FPR3: variants seen among roughly 807,000 people sequenced by gnomAD.
FPR3 encodes formyl peptide receptor 3, also known as N-formyl peptide receptor 3.
For missense variants in FPR3, 346 were observed against 443.2 expected, an observed-to-expected ratio of 0.78 and a Z score of 1.97; for synonymous variants, 135 against 163.6, an observed-to-expected ratio of 0.83 and a Z score of 1.34.
chr19:51,807,161 G>A (rs2084064994), intron 1 of FPR3, among the ~76,000 whole-genome samples: 1 of 152,136 alleles, frequency 6.6e-6, no homozygotes, highest in Non-Finnish European at 1.5e-5. Context: ...GTGGACAATG[G>A]CCCTGAGCTT....
intron 1 of FPR3, among the ~76,000 whole-genome samples, chr19:51,817,201 T>C (rs1432584378): frequency 1.3e-5 from 2 of 152,144 alleles, no homozygotes; most frequent in African/African-American, 4.8e-5. Flanking sequence ...TCCAGCTCCA[T>C]TGTTCCCTTG....
rs1432318164 is a variant in FPR3, at chr19:51,825,081, T to C, written c.*271T>C. ...TCATTCCCCAAGTCTGCTCCTCCAG[T>C]TGAGACACAAGTCACAAATCCAGGC... On this transcript the variant is annotated 3_prime_UTR_variant, in exon 2 of 2. Coordinates refer to ENST00000339223, the MANE Select transcript of FPR3 (RefSeq NM_002030.5). 8.8e-6 allele frequency: 3 copies of C among 342,806 alleles called. No homozygotes were observed. Among genetic ancestry groups the C allele is most frequent in the Non-Finnish European group, 1.7e-5 (3 of 179,490 alleles). The allele number at this position is 342,806 out of a possible 1,614,324, so 21.2% of individuals were successfully genotyped here.
At chr19:51,820,931 T>A (rs1350037660) in intron 1 of FPR3, among the ~76,000 whole-genome samples, 1 of 152,168 alleles carries the variant, frequency 6.6e-6, no homozygotes, top group African/African-American at 2.4e-5. Context: ...AGAGCAGTTG[T>A]TAGGGTTAAA....
At chr19:51,806,455 C>T (rs906568423) in intron 1 of FPR3, among the ~76,000 whole-genome samples, 6 of 152,176 alleles carry the variant, frequency 3.9e-5, no homozygotes, top group Non-Finnish European at 7.3e-5. Flanking sequence ...TCTTACCATC[C>T]GTACCAGGAG....
intron 1 of FPR3, among the ~76,000 whole-genome samples, chr19:51,810,011 C>T (rs1411772845): frequency 1.3e-5 from 2 of 152,186 alleles, no homozygotes; most frequent in Non-Finnish European, 2.9e-5. Context: ...TACGCAAGGA[C>T]AAAGTCCTGG....
Position 51,815,252 on chromosome 19 carries a change from T to C in FPR3, c.-10-8487T>C, listed in dbSNP as rs2084126809. ...ACTTTCAGGAAGGGGAAGTGGGGAC[T>C]GGAGATTGAGCTCTATAAAAAAATG... On this transcript the variant is annotated intron_variant, in intron 1 of 1. Transcript: ENST00000339223. 3.3e-5 allele frequency among the ~76,000 whole-genome samples: 5 copies of C among 152,206 alleles called. No individual in the cohort carries two copies. The South Asian group carries it at 1.0e-3, about 32-fold the overall frequency.
At chr19:51,813,549 G>A (rs1327782258) in intron 1 of FPR3, among the ~76,000 whole-genome samples, 1 of 151,248 alleles carries the variant, frequency 6.6e-6, no homozygotes, top group Non-Finnish European at 1.5e-5. Flanking sequence ...CCTTTTTTTT[G>A]AGACAGAGTC....
intron 1 of FPR3, among the ~76,000 whole-genome samples, chr19:51,795,547 G>A (rs1157696910): frequency 2.3e-5 from 2 of 86,632 alleles, no homozygotes; most frequent in Non-Finnish European, 4.2e-5. Flanking sequence ...GGAGTCTTGC[G>A]CTGTCACCCA....
chr19:51,824,319 T>C lies in FPR3; in HGVS notation c.571T>C (p.Leu191=). 3 of 1,614,118 alleles carry C rather than the reference T, an allele frequency of 1.9e-6. No individual in the cohort carries two copies. The highest frequency in any genetic ancestry group is 2.5e-6 in the Non-Finnish European group (3 of 1,179,994). ...CTGGGGTGACACTGCTGTAGAGAGG[T>C]TGAACGTGTTCATTACCATGGCCAA... The part of the protein sequence containing the change: ...AFWGDTAVER[L]NVFITMAKVF... The change falls in exon 2 of 2, where the codon TTG becomes CTG. Residue 191 remains leucine (L), a synonymous_variant. Transcript: ENST00000339223. This position sits in a 1 kb window ranked among gnomAD's most constrained non-coding sequence, Gnocchi z 4.7.
chr19:51,795,972 AGATGTAGCATTGAAG>A (rs1460688316), intron 1 of FPR3, among the ~76,000 whole-genome samples: 1 of 152,252 alleles, frequency 6.6e-6, no homozygotes, highest in Non-Finnish European at 1.5e-5. Context: ...AGCATTGTAG[AGATGTAGCATTGAAG>A]GATCTTGATA....
At chr19:51,813,655 C>T (rs891825477) in intron 1 of FPR3, among the ~76,000 whole-genome samples, 11 of 151,982 alleles carry the variant, frequency 7.2e-5, no homozygotes, top group Non-Finnish European at 1.2e-4. Flanking sequence ...CTCAGCCTCC[C>T]GAATATCTGG....
At chr19:51,799,854 G>A (rs953714814) in intron 1 of FPR3, among the ~76,000 whole-genome samples, 4 of 152,222 alleles carry the variant, frequency 2.6e-5, no homozygotes, top group Admixed American at 1.3e-4. Flanking sequence ...CTAGGGCCTC[G>A]GTAGTGGTCC....
chr19:51,796,427 GT>G (rs2083999313), intron 1 of FPR3, among the ~76,000 whole-genome samples: 2 of 152,204 alleles, frequency 1.3e-5, no homozygotes, highest in Admixed American at 1.3e-4. Flanking sequence ...CCATCGGAAG[GT>G]ATTGCGAATA....
At chr19:51,822,231 C>T (rs965914172) in intron 1 of FPR3, among the ~76,000 whole-genome samples, 1 of 152,192 alleles carries the variant, frequency 6.6e-6, no homozygotes, top group Non-Finnish European at 1.5e-5. Flanking sequence ...GCCAGGATAT[C>T]CTCCCATAGT....
intron 1 of FPR3, chr19:51,805,320 T>A (rs1406715764): frequency 6.6e-6 from 1 of 152,240 alleles, no homozygotes; most frequent in Non-Finnish European, 1.5e-5. Context: ...GTTACTGTGG[T>A]ACTTTAGATA....
chr19:51,816,959 TCAC>T (rs2084141630), intron 1 of FPR3, among the ~76,000 whole-genome samples: 1 of 152,228 alleles, frequency 6.6e-6, no homozygotes, highest in Admixed American at 6.5e-5. Flanking sequence ...TCTCATTTTT[TCAC>T]CTTGGTAATT....
intron 1 of FPR3, among the ~76,000 whole-genome samples, chr19:51,819,060 C>T (rs575871463): frequency 4.5e-4 from 68 of 152,226 alleles, no homozygotes; most frequent in African/African-American, 1.6e-3. Context: ...TAGATATAAT[C>T]AATAGGACTT....
intron 1 of FPR3, among the ~76,000 whole-genome samples, chr19:51,795,734 T>A (rs185525256): frequency 3.4e-3 from 522 of 152,012 alleles, no homozygotes; most frequent in South Asian, 8.9e-3. Flanking sequence ...AGGCTGGTCT[T>A]CAACTCCTGA....
intron 1 of FPR3, among the ~76,000 whole-genome samples, chr19:51,802,204 G>GA (rs34028880): frequency 3.7e-4 from 54 of 146,578 alleles, no homozygotes; most frequent in African/African-American, 7.5e-4. Context: ...TCCCAAATCT[G>GA]AAAAAAAAAA....
Sources: gnomAD v4.1 joint callset for allele counts (sites outside exome capture counted in the v4.1 genomes callset) on GRCh38, gnomAD v4.1.1 for gene constraint, Gnocchi (gnomAD v3.1) non-coding constraint, MANE v1.5 for transcripts, NCBI Gene and HGNC (gene_info 2026-07-23, HGNC 2026-07-21) for gene names.